Variants in ANK2 observed in about 807,000 individuals in gnomAD.
ANK2 encodes ankyrin 2.
ANK2 carries 83 observed loss-of-function variants against 360.5 expected under a neutral mutation model. The observed-to-expected ratio is 0.23, with a 90% CI of 0.19 to 0.28. The LOEUF (loss-of-function observed/expected upper bound fraction) is 0.28. Among genes scored for constraint, ANK2 ranks in the 10% least tolerant of loss-of-function variants. The probability of loss-of-function intolerance (pLI) is 1.00; values close to 1 mark genes in which losing one functional copy is unlikely to be tolerated. For missense variants in ANK2, 4,201 were observed against 4,795.7 expected (o/e 0.88, Z 3.66); for synonymous variants, 1,740 against 1,759.5 (o/e 0.99, Z 0.28).
At chr4:113,091,474 T>G (rs2088093013) in intron 1 of ANK2, among the ~76,000 whole-genome samples, 1 of 152,156 alleles carries the variant, frequency 6.6e-6, no homozygotes, top group Non-Finnish European at 1.5e-5. Context: ...TTTTCCAGAG[T>G]AGTTATCATT....
At chr4:112,772,430 T>C in the ANK2 span, among the ~76,000 whole-genome samples, 2 of 152,094 alleles carry the variant, frequency 1.3e-5, no homozygotes, top group Non-Finnish European at 2.9e-5. Flanking sequence ...CAACTCAAGA[T>C]GAGATTTGAG....
chr4:113,025,181 T>TCC (rs2059007717), intron 2 of ANK2, among the ~76,000 whole-genome samples: 1 of 152,262 alleles, frequency 6.6e-6, no homozygotes, highest in East Asian at 1.9e-4. Context: ...TCCTTAAACA[T>TCC]AACAGCAGTG....
At chr4:112,992,432 C>T (rs555561966) in intron 2 of ANK2, among the ~76,000 whole-genome samples, 2 of 152,322 alleles carry the variant, frequency 1.3e-5, no homozygotes, top group East Asian at 3.9e-4. Context: ...GTGTGAGCCA[C>T]AACGCCTGGC....
At chr4:112,798,915 A>G in the ANK2 span, among the ~76,000 whole-genome samples, 3 of 152,314 alleles carry the variant, frequency 2.0e-5, no homozygotes, top group East Asian at 1.9e-4. Flanking sequence ...CATTACCACT[A>G]TCTGTCTCCA....
chr4:112,725,357 CT>C, the ANK2 span, among the ~76,000 whole-genome samples: 7,605 of 73,300 alleles, frequency 0.1, 112 homozygotes, highest in East Asian at 0.24. Context: ...AAGACACAGT[CT>C]TTTTTTTTTT....
intron 40 of ANK2, among the ~76,000 whole-genome samples, 183 bp downstream of exon 40, chr4:113,363,652 C>T (rs1281065481): frequency 6.6e-6 from 1 of 152,170 alleles, no homozygotes; most frequent in African/African-American, 2.4e-5. Flanking sequence ...AAAAAAGAAT[C>T]AATTCCCAGC....
intron 1 of ANK2, among the ~76,000 whole-genome samples, chr4:113,153,251 C>G (rs1313914385): frequency 6.6e-6 from 1 of 152,108 alleles, no homozygotes; most frequent in African/African-American, 2.4e-5. Context: ...GGATCTCTCA[C>G]AAGTCACAAA....
intron 1 of ANK2, among the ~76,000 whole-genome samples, chr4:113,165,305 G>T (rs2097712016): frequency 6.6e-6 from 1 of 152,148 alleles, no homozygotes; most frequent in African/African-American, 2.4e-5. Flanking sequence ...TTAGAATTCA[G>T]TCATATATAG....
At chr4:112,827,069 T>C in intron 1 of ANK2, 1 of 1,209,118 alleles carries the variant, frequency 8.3e-7, no homozygotes, top group Non-Finnish European at 1.2e-6. Context: ...GTGAACTTGA[T>C]CACCCATGCA....
At chr4:113,051,231 G>T (rs987614960) in intron 1 of ANK2, among the ~76,000 whole-genome samples, 1 of 152,124 alleles carries the variant, frequency 6.6e-6, no homozygotes, top group Non-Finnish European at 1.5e-5. Context: ...AAGAAAAAAA[G>T]GAATTTTTGT....
At chr4:113,004,563 T>C (rs1169490249) in intron 2 of ANK2, among the ~76,000 whole-genome samples, 1 of 152,158 alleles carries the variant, frequency 6.6e-6, no homozygotes. Flanking sequence ...CGCCTTCTTC[T>C]AGAATAACTC....
chr4:113,284,148 G>A (rs965287201), intron 18 of ANK2, among the ~76,000 whole-genome samples: 7 of 152,142 alleles, frequency 4.6e-5, no homozygotes, highest in African/African-American at 1.4e-4. Flanking sequence ...TTATAAGAAC[G>A]AACACGATAA....
At chr4:113,130,851 G>T (rs751224377) in intron 1 of ANK2, among the ~76,000 whole-genome samples, 3 of 152,296 alleles carry the variant, frequency 2.0e-5, no homozygotes, top group Non-Finnish European at 4.4e-5. Context: ...CCTAGGAAGA[G>T]AAGTTTCCTT....
intron 2 of ANK2, among the ~76,000 whole-genome samples, chr4:112,981,434 T>C (rs2154271501): frequency 6.6e-6 from 1 of 151,548 alleles, no homozygotes; most frequent in Middle Eastern, 3.4e-3. Flanking sequence ...GTTTGAAGAG[T>C]TTTATGGGAG....
chr4:112,855,888 A>G (rs985356445), intron 1 of ANK2, among the ~76,000 whole-genome samples: 1 of 152,116 alleles, frequency 6.6e-6, no homozygotes, highest in African/African-American at 2.4e-5. Context: ...TGTCATTTTA[A>G]TGGTCTTAGG....
At position 113,299,315 on chromosome 4, in the gene ANK2, C is replaced by T. The variant is rs183442674; in HGVS notation, c.2476-3452C>T. Among the ~76,000 whole-genome samples, 15 of 152,010 alleles carry T rather than the reference C, an allele frequency of 9.9e-5. No individual in the cohort carries two copies. In the East Asian group the frequency reaches 2.3e-3, roughly 23 times the overall value. On this transcript the variant is annotated intron_variant, in intron 22 of 45. Transcript: ENST00000357077. ...CATCTCCTTATTGAAATGTTTACTA[C>T]GAAGGACAAATACTCTAAAACATTT... is the stretch of plus-strand genomic sequence containing the variant.
At chr4:113,124,495 T>C (rs997154980) in intron 1 of ANK2, among the ~76,000 whole-genome samples, 4 of 152,196 alleles carry the variant, frequency 2.6e-5, no homozygotes, top group African/African-American at 9.6e-5. Flanking sequence ...TTTGGTTGGT[T>C]GGTCAGTTGT....
intron 4 of ANK2, among the ~76,000 whole-genome samples, chr4:113,207,704 A>G (rs1012432357): frequency 9.2e-4 from 139 of 150,468 alleles, no homozygotes; most frequent in Middle Eastern, 3.4e-3. Flanking sequence ...AAAAAAAAAA[A>G]AAGAAGAAGT....
chr4:113,301,201 T>C (rs747238303), intron 22 of ANK2, among the ~76,000 whole-genome samples: 33 of 152,174 alleles, frequency 2.2e-4, no homozygotes, highest in Non-Finnish European at 4.3e-4. Flanking sequence ...ATGCCCTTAA[T>C]GTATTTTCAC....
Sources: gnomAD v4.1 joint callset for allele counts (sites outside exome capture counted in the v4.1 genomes callset) on GRCh38, gnomAD v4.1.1 for gene constraint, MANE v1.5 for transcripts, NCBI Gene and HGNC (gene_info 2026-07-23, HGNC 2026-07-21) for gene names.